Variants in RUNDC3B observed in about 807,000 individuals in gnomAD.
RUNDC3B encodes the protein RUN domain-containing protein 3B.
Under a neutral mutation model 58.4 loss-of-function variants are expected in RUNDC3B, and 33 were observed. The ratio of observed to expected loss-of-function variants is 0.56; its 90% CI spans 0.43 to 0.75. The LOEUF (loss-of-function observed/expected upper bound fraction) is 0.75, where lower values mean the gene tolerates loss of function less well. Ranked by LOEUF, RUNDC3B falls within the 30% of genes least tolerant of loss-of-function variation. The probability of loss-of-function intolerance (pLI) is 0.00; values close to 1 mark genes in which losing one functional copy is unlikely to be tolerated. For synonymous variants in RUNDC3B, 193 were observed against 195.2 expected (o/e 0.99, Z 0.10); for missense variants, 501 against 535.7 (o/e 0.94, Z 0.64).
intron 6 of RUNDC3B, among the ~76,000 whole-genome samples, chr7:87,756,199 C>A (rs1833361048): frequency 6.6e-6 from 1 of 151,934 alleles, no homozygotes; most frequent in African/African-American, 2.4e-5. Context: ...TTTATGATAT[C>A]CTTTTACTTC....
chr7:87,816,169 T>A lies in RUNDC3B; in HGVS notation c.1132T>A (p.Ser378Thr). ...EKSYQSLDQLSAEVSLSQTSL... is the reference protein window; with the variant it reads ...EKSYQSLDQLTAEVSLSQTSL... ...AAGTTATCAAAGTCTTGACCAGTTA[T>A]CAGCAGAAGTTAGCCTTTCTCAGAC... Residue 378 changes from serine (S) to threonine (T), a missense_variant, in exon 10 of 11, where the codon TCA (serine) becomes ACA (threonine). Transcript: ENST00000394654. 3 of 1,609,336 alleles carry A rather than the reference T, an allele frequency of 1.9e-6. No individual in the cohort carries two copies. Among genetic ancestry groups the A allele is most frequent in the Non-Finnish European group, 2.6e-6 (3 of 1,175,920 alleles).
At chr7:87,664,201 C>T (rs888593157) in intron 2 of RUNDC3B, among the ~76,000 whole-genome samples, 1 of 152,204 alleles carries the variant, frequency 6.6e-6, no homozygotes, top group South Asian at 2.1e-4. Context: ...TGGCACACTT[C>T]TGTAGTCCAA....
intron 6 of RUNDC3B, among the ~76,000 whole-genome samples, chr7:87,752,674 T>C (rs1348451495): frequency 6.6e-6 from 1 of 152,212 alleles, no homozygotes; most frequent in Non-Finnish European, 1.5e-5. Flanking sequence ...GAGGTGTTTG[T>C]AGTATTCTCT....
intron 6 of RUNDC3B, among the ~76,000 whole-genome samples, chr7:87,744,303 T>A (rs890222644): frequency 2.0e-5 from 3 of 152,182 alleles, no homozygotes; most frequent in Non-Finnish European, 2.9e-5. Flanking sequence ...GGGTTCTTTT[T>A]TGGTTCCATA....
intron 10 of RUNDC3B, among the ~76,000 whole-genome samples, chr7:87,825,230 A>C (rs1212330949): frequency 6.6e-6 from 1 of 152,090 alleles, no homozygotes; most frequent in Non-Finnish European, 1.5e-5. Context: ...AAAAAAAAGA[A>C]AGAAAAAGAA....
chr7:87,775,686 T>C (rs1316789001), intron 7 of RUNDC3B, among the ~76,000 whole-genome samples: 2 of 152,166 alleles, frequency 1.3e-5, no homozygotes, highest in Non-Finnish European at 2.9e-5. Flanking sequence ...AAAAAAAATC[T>C]TTTATACCAT....
At chr7:87,677,106 TCCAGCAGTTCTA>T (rs1021398215) in intron 2 of RUNDC3B, among the ~76,000 whole-genome samples, 2 of 152,176 alleles carry the variant, frequency 1.3e-5, no homozygotes, top group African/African-American at 4.8e-5. Flanking sequence ...TGCCATATGA[TCCAGCAGTTCTA>T]CTTCTGGGTT....
At chr7:87,766,042 TA>T (rs1458606945) in intron 6 of RUNDC3B, among the ~76,000 whole-genome samples, 1 of 152,204 alleles carries the variant, frequency 6.6e-6, no homozygotes, top group Non-Finnish European at 1.5e-5. Context: ...TATCATTATA[TA>T]ATGACCTTCC....
chr7:87,696,137 A>G (rs374291432), intron 2 of RUNDC3B, among the ~76,000 whole-genome samples: 4 of 152,270 alleles, frequency 2.6e-5, no homozygotes, highest in East Asian at 1.9e-4. Context: ...AATTGAAAGC[A>G]TATTGTATAC....
intron 3 of RUNDC3B, among the ~76,000 whole-genome samples, chr7:87,705,535 A>G (rs992115409): frequency 6.6e-6 from 1 of 152,228 alleles, no homozygotes; most frequent in African/African-American, 2.4e-5. Context: ...TAGCCTAACA[A>G]TAGAATAAAA....
At chr7:87,800,899 G>A (rs1263298561) in intron 8 of RUNDC3B, among the ~76,000 whole-genome samples, 1 of 151,976 alleles carries the variant, frequency 6.6e-6, no homozygotes, top group Non-Finnish European at 1.5e-5. Flanking sequence ...TCCTCCCAAA[G>A]TTCTGAGATT....
intron 4 of RUNDC3B, among the ~76,000 whole-genome samples, chr7:87,739,375 T>G (rs890154506): frequency 6.6e-6 from 1 of 152,066 alleles, no homozygotes; most frequent in African/African-American, 2.4e-5. Flanking sequence ...TAATTTTATC[T>G]TATTTATTAG....
chr7:87,657,568 T>A (rs1485356463), intron 2 of RUNDC3B, among the ~76,000 whole-genome samples: 1 of 152,086 alleles, frequency 6.6e-6, no homozygotes, highest in Non-Finnish European at 1.5e-5. Context: ...TCAAAAACTC[T>A]CTCTCTCTTC....
chr7:87,779,527 T>C (rs1306423569), intron 8 of RUNDC3B, among the ~76,000 whole-genome samples: 1 of 152,184 alleles, frequency 6.6e-6, no homozygotes, highest in Non-Finnish European at 1.5e-5. Context: ...ATACTAATTT[T>C]AATCATTTGG....
rs76671425 is a variant in RUNDC3B at position 87,721,862 on chromosome 7, C to T, written c.458+11207C>T. ...TCTGCTTGAACTTTTGGAATATTTT[C>T]TGTGTATTTCATGGGATATTATTAG... On this transcript the variant is annotated intron_variant, in intron 4 of 10. Coordinates refer to ENST00000394654, the MANE Select transcript of RUNDC3B (RefSeq NM_001134405.2). Among the ~76,000 whole-genome samples the T allele has an allele frequency of 2.8e-3, 418 of 151,436 alleles. 5 individuals carry two copies. The East Asian group carries it at 0.048, about 17-fold the overall frequency.
intron 2 of RUNDC3B, among the ~76,000 whole-genome samples, chr7:87,665,844 G>A (rs1585042480): frequency 6.6e-6 from 1 of 152,084 alleles, no homozygotes. Flanking sequence ...TCTCCAGCTT[G>A]ATCCATGTTG....
At chr7:87,788,440 T>C (rs758996628) in intron 8 of RUNDC3B, among the ~76,000 whole-genome samples, 10 of 152,206 alleles carry the variant, frequency 6.6e-5, no homozygotes, top group Admixed American at 1.3e-4. Context: ...TTCAATCTTC[T>C]ACTATTATGA....
At chr7:87,813,619 G>A (rs969929111) in intron 9 of RUNDC3B, among the ~76,000 whole-genome samples, 1 of 151,968 alleles carries the variant, frequency 6.6e-6, no homozygotes, top group Non-Finnish European at 1.5e-5. Flanking sequence ...AAAATAATTT[G>A]GAAAGGAAAT....
intron 2 of RUNDC3B, among the ~76,000 whole-genome samples, chr7:87,669,765 G>T (rs938606081): frequency 6.6e-6 from 1 of 152,128 alleles, no homozygotes; most frequent in African/African-American, 2.4e-5. Context: ...CTTGGTTGAA[G>T]ATTTTTTTCT....
Sources: allele counts gnomAD v4.1 joint callset (sites outside exome capture counted in the v4.1 genomes callset), GRCh38; gene constraint gnomAD v4.1.1; transcripts MANE v1.5; gene names NCBI Gene and HGNC (gene_info 2026-07-23, HGNC 2026-07-21).